Variants in LRRTM4 observed in about 807,000 individuals in gnomAD.
The protein encoded by LRRTM4 is leucine rich repeat transmembrane neuronal 4.
A neutral mutation model predicts 47.6 loss-of-function variants in LRRTM4; 25 were observed. The observed-to-expected ratio is 0.53, with a 90% CI of 0.38 to 0.73. The LOEUF (loss-of-function observed/expected upper bound fraction) is 0.73, where lower values mean the gene tolerates loss of function less well. LRRTM4 is among the 30% of genes least tolerant of loss of function. The pLI, the probability that LRRTM4 is intolerant of heterozygous loss-of-function variation, is 0.00. For synonymous variants in LRRTM4, 311 were observed against 269.5 expected (o/e 1.15, Z -1.51); for missense variants, 638 against 713.4 (o/e 0.89, Z 1.20).
intron 3 of LRRTM4, among the ~76,000 whole-genome samples, chr2:77,161,403 A>G (rs981225272): frequency 6.6e-6 from 1 of 152,096 alleles, no homozygotes; most frequent in Admixed American, 6.6e-5. Flanking sequence ...CCAGCTTCTG[A>G]TGCCTCAGCG....
chr2:76,942,678 G>T (rs1164995965), intron 3 of LRRTM4, among the ~76,000 whole-genome samples: 1 of 133,080 alleles, frequency 7.5e-6, no homozygotes, highest in Admixed American at 7.1e-5. Flanking sequence ...CTAGGAATCT[G>T]TGTGTGTGTG....
At position 76,998,773 on chromosome 2, in the gene LRRTM4, T is replaced by G. The variant is rs537938063; in HGVS notation, c.1552-249857A>C. 2.0e-4 allele frequency among the ~76,000 whole-genome samples: 30 copies of G among 151,746 alleles called. No individual in the cohort carries two copies. In the South Asian group the frequency reaches 5.4e-3, roughly 27 times the overall value. ...AGTTTTTCCTCTATATTTTCTGTTT[T>G]TTTTTTTTTTCCTTAACATCAGGCG... is the stretch of plus-strand genomic sequence containing the variant. On this transcript the variant is annotated intron_variant, in intron 3 of 3. Coordinates refer to ENST00000409884, the MANE Select transcript of LRRTM4 (RefSeq NM_001134745.3).
chr2:77,265,365 A>C (rs1032769771), intron 3 of LRRTM4, among the ~76,000 whole-genome samples: 3 of 152,120 alleles, frequency 2.0e-5, no homozygotes, highest in African/African-American at 7.2e-5. Context: ...CTCTGCCCTC[A>C]TAAACAAATT....
At chr2:77,430,186 T>A (rs913122605) in intron 3 of LRRTM4, among the ~76,000 whole-genome samples, 9 of 152,198 alleles carry the variant, frequency 5.9e-5, no homozygotes, top group Non-Finnish European at 1.2e-4. Flanking sequence ...TGTGAGGTGA[T>A]GCATATGTTA....
At chr2:76,951,607 CAGATAAT>C (rs1443993193) in intron 3 of LRRTM4, among the ~76,000 whole-genome samples, 2 of 151,936 alleles carry the variant, frequency 1.3e-5, no homozygotes, top group African/African-American at 4.8e-5. Context: ...CTCAAACCTT[CAGATAAT>C]AGATAATTTT....
intron 3 of LRRTM4, among the ~76,000 whole-genome samples, chr2:77,268,273 C>T (rs576268442): frequency 2.2e-4 from 33 of 152,252 alleles, no homozygotes; most frequent in African/African-American, 7.5e-4. Context: ...TCATTCCCTT[C>T]AACTCCAGCT....
intron 3 of LRRTM4, among the ~76,000 whole-genome samples, chr2:77,400,089 A>C (rs1423360343): frequency 2.0e-5 from 3 of 151,772 alleles, no homozygotes; most frequent in African/African-American, 7.2e-5. Context: ...TCTGGAAACC[A>C]CTATTCTACT....
chr2:77,027,807 A>T (rs1272613186), intron 3 of LRRTM4, among the ~76,000 whole-genome samples: 1 of 152,180 alleles, frequency 6.6e-6, no homozygotes, highest in Non-Finnish European at 1.5e-5. Context: ...GCATGTTTGT[A>T]CAATTTATAC....
At chr2:76,770,059 G>A (rs1402748234) in intron 3 of LRRTM4, among the ~76,000 whole-genome samples, 1 of 152,080 alleles carries the variant, frequency 6.6e-6, no homozygotes, top group Non-Finnish European at 1.5e-5. Context: ...CTTTTAGAGT[G>A]GGAGATGAAG....
intron 3 of LRRTM4, among the ~76,000 whole-genome samples, chr2:76,805,896 A>C (rs1232119583): frequency 1.3e-5 from 2 of 152,074 alleles, no homozygotes; most frequent in Non-Finnish European, 2.9e-5. Flanking sequence ...GTTTTCCCTT[A>C]GGCACAAGCT....
chr2:77,482,279 A>C (rs1001947974), intron 3 of LRRTM4, among the ~76,000 whole-genome samples: 16 of 152,210 alleles, frequency 1.1e-4, no homozygotes, highest in Admixed American at 9.2e-4. Flanking sequence ...CTTATTTCTC[A>C]TTTGATTTCC....
At chr2:77,442,067 G>A (rs767140256) in intron 3 of LRRTM4, among the ~76,000 whole-genome samples, 13 of 152,102 alleles carry the variant, frequency 8.5e-5, no homozygotes, top group Non-Finnish European at 1.5e-4. Flanking sequence ...TAGTACCAAC[G>A]CTTTTGTTGT....
intron 3 of LRRTM4, among the ~76,000 whole-genome samples, chr2:77,178,592 AAAC>A (rs572583930): frequency 6.6e-5 from 10 of 151,898 alleles, no homozygotes; most frequent in South Asian, 2.1e-4. Flanking sequence ...TCTCAAAAAC[AAAC>A]AACAACAACA....
At chr2:77,021,780 T>C (rs1179694318) in intron 3 of LRRTM4, among the ~76,000 whole-genome samples, 1 of 152,186 alleles carries the variant, frequency 6.6e-6, no homozygotes, top group Non-Finnish European at 1.5e-5. Context: ...TAGCAATAGA[T>C]AATGCAATTA....
intron 3 of LRRTM4, among the ~76,000 whole-genome samples, chr2:76,853,989 T>A (rs1317829699): frequency 1.3e-5 from 2 of 152,170 alleles, no homozygotes; most frequent in Non-Finnish European, 2.9e-5. Flanking sequence ...ATTTTTCTGT[T>A]CTTTAAAAGG....
At chr2:76,798,263 G>A (rs1454429776) in intron 3 of LRRTM4, among the ~76,000 whole-genome samples, 7 of 152,084 alleles carry the variant, frequency 4.6e-5, no homozygotes, top group African/African-American at 1.7e-4. Flanking sequence ...TCAGACCACA[G>A]TGCAATTAAA....
chr2:76,820,172 T>A (rs1255295305), intron 3 of LRRTM4, among the ~76,000 whole-genome samples: 1 of 151,944 alleles, frequency 6.6e-6, no homozygotes, highest in African/African-American at 2.4e-5. Flanking sequence ...TATCATTAAA[T>A]GTAATTGATG....
chr2:76,896,366 T>C (rs1443987433), intron 3 of LRRTM4, among the ~76,000 whole-genome samples: 1 of 152,016 alleles, frequency 6.6e-6, no homozygotes, highest in African/African-American at 2.4e-5. Context: ...GTGCTTCAAC[T>C]TGAGTGCAAA....
At chr2:77,271,521 C>CG (rs1199209076) in intron 3 of LRRTM4, among the ~76,000 whole-genome samples, 2 of 152,060 alleles carry the variant, frequency 1.3e-5, no homozygotes, top group Non-Finnish European at 2.9e-5. Context: ...AGGTTGAGTG[C>CG]GGGGGGCCAA....
Sources: gnomAD v4.1 joint callset for allele counts (sites outside exome capture counted in the v4.1 genomes callset) on GRCh38, gnomAD v4.1.1 for gene constraint, MANE v1.5 for transcripts, NCBI Gene and HGNC (gene_info 2026-07-23, HGNC 2026-07-21) for gene names.